Variants in COL28A1 observed in about 807,000 individuals in gnomAD.
The protein encoded by COL28A1 is collagen alpha-1(XXVIII) chain.
COL28A1 carries 161 observed loss-of-function variants against 150.2 expected under a neutral mutation model. The observed-to-expected ratio is 1.07, with a 90% confidence interval of 0.94 to 1.22. The LOEUF (loss-of-function observed/expected upper bound fraction) is 1.22, where lower values mean the gene tolerates loss of function less well. COL28A1 is among the 50% of genes most tolerant of loss of function. The probability of loss-of-function intolerance (pLI) is 0.00; values close to 1 mark genes in which losing one functional copy is unlikely to be tolerated. For synonymous variants in COL28A1, 552 were observed against 469.7 expected, an observed-to-expected ratio of 1.18 and a Z score of -2.26; for missense variants, 1,617 against 1,388.3, an observed-to-expected ratio of 1.16 and a Z score of -2.62.
At chr7:7,524,169 C>A in intron 4 of COL28A1, 60 bp downstream of exon 4, 1 of 889,006 alleles carries the variant, frequency 1.1e-6, no homozygotes, top group Non-Finnish European at 1.9e-6. Context: ...AATTATAATG[C>A]TGATTTGATA....
chr7:7,380,814 C>A lies in COL28A1; in HGVS notation c.2254G>T (p.Glu752Ter). 6.2e-7 allele frequency: 1 copy of A among 1,614,050 alleles called. No homozygotes were observed. The highest frequency in any genetic ancestry group is 2.2e-5 in the East Asian group (1 of 44,870). ...CCTGGAGATCCAGGCTCTCCAATTT[C>A]TCCTTTATCACCTTTCTTTCCCACA... is the stretch of plus-strand genomic sequence containing the variant. ...GDVGKKGDKGEIGEPGSPGKQ... is the reference protein window; with the variant it reads ...GDVGKKGDKG Residue 752 changes from glutamate (E) to a stop codon, truncating the protein, a stop_gained, in exon 29 of 35, where the codon GAA becomes TAA. Coordinates refer to ENST00000399429, the MANE Select transcript of COL28A1 (RefSeq NM_001037763.3). LOFTEE classifies it high-confidence loss of function.
chr7:7,514,054 C>A (rs564673334), intron 8 of COL28A1, among the ~76,000 whole-genome samples: 1 of 152,280 alleles, frequency 6.6e-6, no homozygotes, highest in African/African-American at 2.4e-5. Flanking sequence ...TTGTATTTTC[C>A]AAGTGAGAAC....
intron 33 of COL28A1, among the ~76,000 whole-genome samples, chr7:7,367,929 C>A (rs1262934723): frequency 2.0e-5 from 3 of 151,998 alleles, no homozygotes; most frequent in Non-Finnish European, 2.9e-5. Flanking sequence ...CCCTCCCTCT[C>A]CCTCACCTCC....
intron 25 of COL28A1, among the ~76,000 whole-genome samples, chr7:7,426,474 C>T (rs916285577): frequency 6.6e-6 from 1 of 152,008 alleles, no homozygotes; most frequent in Non-Finnish European, 1.5e-5. Flanking sequence ...ATTGAATGAC[C>T]GTTGTCATAT....
chr7:7,365,416 C>T (rs1341773009), intron 33 of COL28A1, among the ~76,000 whole-genome samples: 1 of 152,112 alleles, frequency 6.6e-6, no homozygotes, highest in African/African-American at 2.4e-5. Flanking sequence ...TGAGAGCCGA[C>T]ACCTGGAGTC....
At chr7:7,532,033 G>C (rs970388660) in intron 2 of COL28A1, 129 bp from the exon 3 acceptor site, 34 of 571,992 alleles carry the variant, frequency 5.9e-5, no homozygotes, top group Non-Finnish European at 1.0e-4. Flanking sequence ...GAGAAAGAGA[G>C]ACACGTTGGA....
chr7:7,339,610 C>T, the COL28A1 span, among the ~76,000 whole-genome samples: 2 of 152,098 alleles, frequency 1.3e-5, no homozygotes, highest in Admixed American at 6.6e-5. Context: ...TTCCACTTTA[C>T]ACACCTTTCC....
At chr7:7,374,054 T>TATATATATATATA (rs1310987233) in intron 31 of COL28A1, among the ~76,000 whole-genome samples, 2 of 142,554 alleles carry the variant, frequency 1.4e-5, no homozygotes, top group African/African-American at 5.4e-5. Context: ...TATATATATA[T>TATATATATATATA]ATATATACTT....
chr7:7,484,422 T>C (rs927457512), intron 13 of COL28A1, among the ~76,000 whole-genome samples: 2 of 152,064 alleles, frequency 1.3e-5, no homozygotes, highest in South Asian at 2.1e-4. Flanking sequence ...GAAAGAAGTA[T>C]TTATTGAAAA....
intron 33 of COL28A1, among the ~76,000 whole-genome samples, 165 bp from the exon 34 acceptor site, chr7:7,360,693 T>A (rs949468264): frequency 1.3e-5 from 2 of 152,196 alleles, no homozygotes; most frequent in Non-Finnish European, 2.9e-5. Flanking sequence ...CCCTCCTCTG[T>A]GTCATGCATC....
At chr7:7,339,595 T>G in the COL28A1 span, among the ~76,000 whole-genome samples, 60 of 152,272 alleles carry the variant, frequency 3.9e-4, no homozygotes, top group Non-Finnish European at 7.8e-4. Context: ...CTAGAGTTCT[T>G]CTCTTTCCAC....
At chr7:7,355,873 G>A (rs1298830714), downstream of COL28A1, among the ~76,000 whole-genome samples, 1 of 152,116 alleles carries the variant, frequency 6.6e-6, no homozygotes, top group East Asian at 1.9e-4. Context: ...TGTGTACCAA[G>A]AGACATGAAT....
At chr7:7,500,757 T>C (rs866235116) in intron 11 of COL28A1, among the ~76,000 whole-genome samples, 1 of 152,254 alleles carries the variant, frequency 6.6e-6, no homozygotes, top group African/African-American at 2.4e-5. Context: ...TCTTGTTTAC[T>C]GAATCTCCTC....
At chr7:7,498,732 T>C (rs1583509903) in intron 11 of COL28A1, among the ~76,000 whole-genome samples, 1 of 152,180 alleles carries the variant, frequency 6.6e-6, no homozygotes, top group Admixed American at 6.5e-5. Flanking sequence ...ATTGATGTAA[T>C]TACAAAGAAA....
At chr7:7,349,846 C>A in the COL28A1 span, among the ~76,000 whole-genome samples, 1 of 151,842 alleles carries the variant, frequency 6.6e-6, no homozygotes, top group Non-Finnish European at 1.5e-5. Context: ...AAAGAAAATG[C>A]GAGGTAGGGA....
At position 7,373,629 on chromosome 7, in the gene COL28A1, T is replaced by A. The variant is rs1284097008; in HGVS notation, c.2360-83A>T. On this transcript the variant is annotated intron_variant, in intron 31 of 34. Coordinates refer to ENST00000399429, the MANE Select transcript of COL28A1 (RefSeq NM_001037763.3). The surrounding 1 kb of genome is among the most constrained non-coding windows in gnomAD (Gnocchi z 4.1). The stretch of plus-strand genomic sequence containing the variant: ...AGGGGAGGGGAGAAAAAGTCAATGA[T>A]GAACCTGAGACCTAAACTATTCTCT... 5.6e-6 allele frequency: 6 copies of A among 1,069,430 alleles called. No individual in the cohort carries two copies. The highest frequency in any genetic ancestry group is 8.3e-6 in the Non-Finnish European group (6 of 725,548). The allele number at this position is 1,069,430 out of a possible 1,614,324, so 66.2% of individuals were successfully genotyped here.
At chr7:7,416,721 G>C (rs1005598420) in intron 27 of COL28A1, among the ~76,000 whole-genome samples, 41 of 152,186 alleles carry the variant, frequency 2.7e-4, no homozygotes, top group African/African-American at 9.9e-4. Context: ...TAGAAGACCT[G>C]CTGTAGAAGC....
the COL28A1 span, among the ~76,000 whole-genome samples, chr7:7,350,652 TTCC>T: frequency 7.6e-6 from 1 of 130,746 alleles, no homozygotes; most frequent in Non-Finnish European, 1.6e-5. Flanking sequence ...TTTGTTTTCT[TTCC>T]TTTTTTTTTT....
At chr7:7,418,166 C>T (rs1784209214) in intron 26 of COL28A1, among the ~76,000 whole-genome samples, 2 of 152,248 alleles carry the variant, frequency 1.3e-5, no homozygotes, top group African/African-American at 4.8e-5. Flanking sequence ...AGCAGAGCCG[C>T]TGGGCCTAAG....
Sources: gnomAD v4.1 joint callset for allele counts (sites outside exome capture counted in the v4.1 genomes callset) on GRCh38, gnomAD v4.1.1 for gene constraint, Gnocchi (gnomAD v3.1) non-coding constraint, MANE v1.5 for transcripts, NCBI Gene and HGNC (gene_info 2026-07-23, HGNC 2026-07-21) for gene names.